Variants in IL23R observed in about 807,000 individuals in gnomAD.
IL23R encodes interleukin 23 receptor, also known as interleukin-23 receptor.
A neutral mutation model predicts 56.9 loss-of-function variants in IL23R; 34 were observed. The observed-to-expected ratio is 0.60, with a 90% CI of 0.45 to 0.80. The LOEUF is 0.80. IL23R is among the 30% of genes least tolerant of loss of function. The pLI is 0.00. For synonymous variants in IL23R, 230 were observed against 249.2 expected, an observed-to-expected ratio of 0.92 and a Z score of 0.73; for missense variants, 635 against 730.0, an observed-to-expected ratio of 0.87 and a Z score of 1.50.
In IL23R at chr1:67,177,957, G is replaced by T. The variant is rs1005085189; in HGVS notation, c.368-4879G>T. Among the ~76,000 whole-genome samples, 29 of 151,094 alleles carry T rather than the reference G, an allele frequency of 1.9e-4. 1 individual carries two copies. Among genetic ancestry groups the T allele is most frequent in the African/African-American group, 6.9e-4 (28 of 40,460 alleles). ...GTGTGGTGTTATTTCTGAGGTCTCT[G>T]TTCTGTTCCATTGGTCTATATATCT... On this transcript the variant is annotated intron_variant, in intron 3 of 10. Coordinates refer to ENST00000347310, the MANE Select transcript of IL23R (RefSeq NM_144701.3).
At chr1:67,232,759 A>G (rs1328669422) in intron 7 of IL23R, among the ~76,000 whole-genome samples, 1 of 152,152 alleles carries the variant, frequency 6.6e-6, no homozygotes, top group Non-Finnish European at 1.5e-5. Context: ...GGTTGATGAT[A>G]TGGTTTGGCT....
At chr1:67,139,233 G>A (rs572211815) in intron 1 of IL23R, 2 of 152,228 alleles carry the variant, frequency 1.3e-5, no homozygotes, top group East Asian at 3.9e-4. Flanking sequence ...CTGATAATAT[G>A]CTCAACAAAT....
At chr1:67,240,323 T>G (rs773360352) in intron 9 of IL23R, 42 bp downstream of exon 9, 1 of 1,282,266 alleles carries the variant, frequency 7.8e-7, no homozygotes, top group Non-Finnish European at 1.1e-6. Context: ...TTAGACTACA[T>G]GTATATGTAT....
downstream of IL23R, chr1:67,260,002 A>ACTTG (rs1653148881): frequency 2.6e-5 from 4 of 151,322 alleles, no homozygotes; most frequent in South Asian, 8.4e-4. Context: ...AATAACTAAT[A>ACTTG]CTTGCTTGCA....
intron 2 of IL23R, among the ~76,000 whole-genome samples, chr1:67,169,085 G>A (rs11465777): frequency 0.021 from 3,050 of 145,120 alleles, 97 homozygotes; most frequent in African/African-American, 0.074. Context: ...ATGTTGCAGT[G>A]AGCCGAGATC....
intron 6 of IL23R, among the ~76,000 whole-genome samples, chr1:67,210,895 T>C (rs1240762324): frequency 6.6e-6 from 1 of 152,236 alleles, no homozygotes; most frequent in Non-Finnish European, 1.5e-5. Flanking sequence ...TCTTTGGTGC[T>C]AAGCATGATT....
chr1:67,242,288 G>A (rs1404831133), intron 9 of IL23R, among the ~76,000 whole-genome samples: 1 of 152,096 alleles, frequency 6.6e-6, no homozygotes, highest in Non-Finnish European at 1.5e-5. Flanking sequence ...CACCTGCATT[G>A]GGCCTTCATC....
At chr1:67,251,329 G>C (rs1384093157) in intron 9 of IL23R, among the ~76,000 whole-genome samples, 1 of 151,926 alleles carries the variant, frequency 6.6e-6, no homozygotes, top group Non-Finnish European at 1.5e-5. Context: ...GCAGGCACCT[G>C]TAGTCCCAGC....
upstream of IL23R, among the ~76,000 whole-genome samples, chr1:67,163,999 C>CA (rs1426547052): frequency 5.3e-5 from 8 of 151,786 alleles, no homozygotes; most frequent in Admixed American, 4.6e-4. Context: ...GCAACAAAAG[C>CA]AAAAATAAAT....
chr1:67,255,184 T>C (rs6693831), intron 9 of IL23R, among the ~76,000 whole-genome samples: 118,957 of 152,106 alleles, frequency 0.78, 47,423 homozygotes, highest in African/African-American at 0.92. Context: ...TTAAGTTTTT[T>C]GAACTTTCCC....
intron 4 of IL23R, among the ~76,000 whole-genome samples, chr1:67,200,034 T>TTTTTTG (rs953132792): frequency 1.3e-5 from 2 of 152,078 alleles, no homozygotes; most frequent in African/African-American, 2.4e-5. Context: ...TAAATTTTAA[T>TTTTTTG]TTTTTGTTTT....
chr1:67,231,106 G>T (rs1043954068), intron 7 of IL23R, among the ~76,000 whole-genome samples: 4 of 152,104 alleles, frequency 2.6e-5, no homozygotes, highest in Non-Finnish European at 5.9e-5. Flanking sequence ...ACCCCTGAAA[G>T]GTCCAGAAAA....
intron 6 of IL23R, among the ~76,000 whole-genome samples, chr1:67,208,588 G>A (rs935332976): frequency 2.0e-5 from 3 of 152,214 alleles, no homozygotes; most frequent in Non-Finnish European, 4.4e-5. Flanking sequence ...GCTTCCACAT[G>A]GTGTTGAGCC....
At chr1:67,144,956 C>A (rs7520667) in intron 1 of IL23R, among the ~76,000 whole-genome samples, 73,586 of 152,078 alleles carry the variant, frequency 0.48, 18,391 homozygotes, top group South Asian at 0.63. Flanking sequence ...TTCAACATGT[C>A]TACATGTTAA....
At chr1:67,178,553 G>A (rs1647044744) in intron 3 of IL23R, among the ~76,000 whole-genome samples, 1 of 152,218 alleles carries the variant, frequency 6.6e-6, no homozygotes, top group Non-Finnish European at 1.5e-5. Context: ...ATACAATCAT[G>A]TCATCTGCAA....
intron 1 of IL23R, among the ~76,000 whole-genome samples, chr1:67,152,806 T>C (rs777588831): frequency 6.6e-6 from 1 of 152,186 alleles, no homozygotes; most frequent in Non-Finnish European, 1.5e-5. Context: ...GCCAACTTGG[T>C]CGTGGTGGAT....
chr1:67,165,770 A>G (rs1023146251), upstream of IL23R, among the ~76,000 whole-genome samples: 5 of 152,240 alleles, frequency 3.3e-5, no homozygotes, highest in African/African-American at 1.2e-4. Context: ...AGTTGAACCC[A>G]TAAAAACAGA....
intron 1 of IL23R, among the ~76,000 whole-genome samples, chr1:67,149,908 A>G (rs1646713388): frequency 6.6e-6 from 1 of 152,200 alleles, no homozygotes; most frequent in Admixed American, 6.5e-5. Context: ...TTTTCCAATC[A>G]TAAATACAAA....
At chr1:67,200,933 AAC>A (rs753693373) in intron 5 of IL23R, 36 bp downstream of exon 5, 2 of 1,605,154 alleles carry the variant, frequency 1.2e-6, no homozygotes, top group Non-Finnish European at 1.7e-6. Context: ...CTTTAATAAT[AAC>A]CAGTTTGTGC....
Sources: allele counts gnomAD v4.1 joint callset (sites outside exome capture counted in the v4.1 genomes callset), GRCh38; gene constraint gnomAD v4.1.1; transcripts MANE v1.5; gene names NCBI Gene and HGNC (gene_info 2026-07-23, HGNC 2026-07-21).